TLN2: variants seen among roughly 807,000 people sequenced by gnomAD.
TLN2 encodes the protein talin-2.
TLN2 carries 118 observed loss-of-function variants against 294.7 expected under a neutral mutation model. That is an observed-to-expected ratio of 0.40 (90% CI 0.34 to 0.47). The LOEUF is 0.47. TLN2 is among the 20% of genes least tolerant of loss of function. The pLI is 0.84. For missense variants in TLN2, 3,083 were observed against 3,282.2 expected, an observed-to-expected ratio of 0.94 and a Z score of 1.48; for synonymous variants, 1,431 against 1,304.5, an observed-to-expected ratio of 1.10 and a Z score of -2.09.
chr15:62,592,618 G>A (rs914921896), intron 2 of TLN2, among the ~76,000 whole-genome samples: 2 of 151,078 alleles, frequency 1.3e-5, no homozygotes, highest in Non-Finnish European at 2.9e-5. Context: ...ACCAGAGGAA[G>A]GAGAATTGCT....
intron 1 of TLN2, among the ~76,000 whole-genome samples, chr15:62,486,671 G>A (rs1275286071): frequency 2.0e-5 from 3 of 151,870 alleles, no homozygotes; most frequent in African/African-American, 2.4e-5. Flanking sequence ...CCTCATTACT[G>A]GAGACATTAG....
chr15:62,483,147 T>C (rs2038201352), intron 1 of TLN2, among the ~76,000 whole-genome samples: 1 of 152,196 alleles, frequency 6.6e-6, no homozygotes, highest in Admixed American at 6.5e-5. Context: ...CTGGGATCTC[T>C]TAGGCACCAA....
chr15:62,718,374 C>A (rs1214056015), intron 24 of TLN2, among the ~76,000 whole-genome samples: 1 of 152,212 alleles, frequency 6.6e-6, no homozygotes, highest in Non-Finnish European at 1.5e-5. Context: ...GTATTTGCAG[C>A]TAGCTGTGGT....
At chr15:62,394,374 A>G (rs2032354346) in intron 1 of TLN2, among the ~76,000 whole-genome samples, 1 of 152,166 alleles carries the variant, frequency 6.6e-6, no homozygotes, top group Non-Finnish European at 1.5e-5. Flanking sequence ...AAAAGAGCTA[A>G]ATAATTCAGT....
chr15:62,751,386 C>G (rs8030662), intron 34 of TLN2, among the ~76,000 whole-genome samples: 39,161 of 152,114 alleles, frequency 0.26, 5,319 homozygotes, highest in African/African-American at 0.33. Context: ...CATCCAGTAC[C>G]TTTTATGGAA....
At chr15:62,631,584 C>CCTT (rs2049876897) in intron 3 of TLN2, among the ~76,000 whole-genome samples, 2 of 102,408 alleles carry the variant, frequency 2.0e-5, no homozygotes, top group African/African-American at 3.4e-5. Context: ...TTCTTTCTCT[C>CCTT]TCTTCTTTCA....
intron 54 of TLN2, chr15:62,832,838 C>G (rs1399168722): frequency 6.9e-6 from 1 of 143,934 alleles, no homozygotes; most frequent in African/African-American, 2.5e-5. Flanking sequence ...GCCATCTTTC[C>G]TTTTTTTTTT....
chr15:62,427,927 A>G (rs893263593), intron 1 of TLN2, among the ~76,000 whole-genome samples: 2 of 152,192 alleles, frequency 1.3e-5, no homozygotes, highest in Non-Finnish European at 2.9e-5. Context: ...GAAGTCATCA[A>G]TACTTCTTTG....
At chr15:62,444,556 C>T (rs1193376745) in intron 1 of TLN2, among the ~76,000 whole-genome samples, 1 of 152,234 alleles carries the variant, frequency 6.6e-6, no homozygotes, top group Non-Finnish European at 1.5e-5. Flanking sequence ...TTGCCTTTGT[C>T]TCCATTTCCG....
intron 37 of TLN2, among the ~76,000 whole-genome samples, chr15:62,756,061 T>G (rs1046407506): frequency 6.6e-6 from 1 of 152,212 alleles, no homozygotes; most frequent in Non-Finnish European, 1.5e-5. Flanking sequence ...GCAGCGTTTT[T>G]GGGTGGGCTA....
At chr15:62,646,856 A>T (rs553811254) in intron 3 of TLN2, among the ~76,000 whole-genome samples, 11 of 152,228 alleles carry the variant, frequency 7.2e-5, no homozygotes, top group African/African-American at 2.6e-4. Flanking sequence ...TGCTGAGAGG[A>T]CCCAGGGAAC....
chr15:62,441,686 C>T (rs1234248038), intron 1 of TLN2, among the ~76,000 whole-genome samples: 1 of 152,180 alleles, frequency 6.6e-6, no homozygotes, highest in Non-Finnish European at 1.5e-5. Context: ...AGGGTTTAGC[C>T]CCACAAGATT....
intron 1 of TLN2, among the ~76,000 whole-genome samples, chr15:62,474,982 C>A (rs1358738238): frequency 6.6e-6 from 1 of 151,910 alleles, no homozygotes; most frequent in Non-Finnish European, 1.5e-5. Flanking sequence ...TGCCTGAGTT[C>A]TACGCTATGC....
intron 51 of TLN2, 69 bp from the exon 52 acceptor site, chr15:62,809,854 CCT>C: frequency 6.9e-7 from 1 of 1,450,876 alleles, no homozygotes; most frequent in East Asian, 2.4e-5. Flanking sequence ...AGGTCTCTTG[CCT>C]CTGAGTCTGG....
chr15:62,700,485 G>C (rs2058646484), intron 16 of TLN2, among the ~76,000 whole-genome samples: 2 of 152,172 alleles, frequency 1.3e-5, no homozygotes, highest in South Asian at 4.1e-4. Flanking sequence ...AGAAGTATAA[G>C]GCACAGGACC....
chr15:62,618,023 T>G (rs1231056914), intron 2 of TLN2, among the ~76,000 whole-genome samples: 4 of 151,390 alleles, frequency 2.6e-5, no homozygotes, highest in Non-Finnish European at 4.4e-5. Context: ...GGTCTCGAAC[T>G]TCTGGGCTCA....
At chr15:62,700,830 C>T (rs907714793) in intron 16 of TLN2, among the ~76,000 whole-genome samples, 3 of 152,090 alleles carry the variant, frequency 2.0e-5, no homozygotes, top group Admixed American at 6.5e-5. Context: ...CTAAATAAGG[C>T]CACGTGGAAT....
At chr15:62,456,961 G>A (rs2036517612) in intron 1 of TLN2, among the ~76,000 whole-genome samples, 1 of 152,164 alleles carries the variant, frequency 6.6e-6, no homozygotes, top group Non-Finnish European at 1.5e-5. Flanking sequence ...TTTGACAGTA[G>A]GGCATCGTGC....
At chr15:62,578,522 C>T (rs555685137) in intron 1 of TLN2, among the ~76,000 whole-genome samples, 5 of 152,166 alleles carry the variant, frequency 3.3e-5, no homozygotes, top group Admixed American at 6.5e-5. Flanking sequence ...AGTGAGATTG[C>T]GCCACTGCAC....
Sources: allele counts gnomAD v4.1 joint callset (sites outside exome capture counted in the v4.1 genomes callset), GRCh38; gene constraint gnomAD v4.1.1; transcripts MANE v1.5; gene names NCBI Gene and HGNC (gene_info 2026-07-23, HGNC 2026-07-21).